OGN: variants seen among roughly 807,000 people sequenced by gnomAD.
OGN encodes osteoglycin.
OGN carries 19 observed loss-of-function variants against 30.8 expected under a neutral mutation model. The ratio of observed to expected loss-of-function variants is 0.62; its 90% confidence interval spans 0.43 to 0.90. The LOEUF (loss-of-function observed/expected upper bound fraction) is 0.90, where lower values mean the gene tolerates loss of function less well. OGN is among the 40% of genes least tolerant of loss of function. The pLI is 0.00. For missense variants in OGN, 283 were observed against 349.7 expected (o/e 0.81, Z 1.52); for synonymous variants, 126 against 128.3 (o/e 0.98, Z 0.12).
At chr9:92,400,234 T>C (rs1421062483) in intron 3 of OGN, among the ~76,000 whole-genome samples, 4 of 152,192 alleles carry the variant, frequency 2.6e-5, no homozygotes, top group Non-Finnish European at 2.9e-5. Flanking sequence ...CACCGCAACC[T>C]CCACCTCCCA....
intron 4 of OGN, among the ~76,000 whole-genome samples, chr9:92,391,850 T>G (rs2130899428): frequency 6.6e-6 from 1 of 152,290 alleles, no homozygotes; most frequent in East Asian, 1.9e-4. Flanking sequence ...GTATTAATTT[T>G]GGGGTTATAA....
At chr9:92,396,529 C>T (rs910766269) in intron 3 of OGN, among the ~76,000 whole-genome samples, 55 of 151,122 alleles carry the variant, frequency 3.6e-4, no homozygotes, top group African/African-American at 9.5e-4. Context: ...CTCTTAGCAG[C>T]GTTATTTAGA....
At chr9:92,388,166 C>T (rs1222225589) in intron 5 of OGN, among the ~76,000 whole-genome samples, 1 of 150,762 alleles carries the variant, frequency 6.6e-6, no homozygotes, top group Non-Finnish European at 1.5e-5. Context: ...TGATCAGCTC[C>T]TTTTTTTTTG....
intron 5 of OGN, among the ~76,000 whole-genome samples, chr9:92,387,823 T>G (rs113503267): frequency 0.036 from 5,408 of 151,840 alleles, 131 homozygotes; most frequent in South Asian, 0.086. Context: ...TAGTGCAGTG[T>G]CATGATCTGA....
chr9:92,386,435 T>C (rs1259644259), intron 5 of OGN, 139 bp from the exon 6 acceptor site: 3 of 594,752 alleles, frequency 5.0e-6, no homozygotes, highest in Non-Finnish European at 9.0e-6. Flanking sequence ...ATTATATCAA[T>C]TGTTCGTATG....
intron 6 of OGN, 46 bp downstream of exon 6, chr9:92,386,155 A>T (rs1588080015): frequency 1.4e-6 from 2 of 1,405,974 alleles, no homozygotes; most frequent in African/African-American, 2.8e-5. Context: ...CAAGATTTTG[A>T]CTCATAGGTA....
At position 92,384,797 on chromosome 9, in the gene OGN, T is replaced by C. The variant is rs543086251; in HGVS notation, c.*823A>G. 2.0e-5 allele frequency: 3 copies of C among 152,154 alleles called. No homozygotes were observed. Among genetic ancestry groups the C allele is most frequent in the Non-Finnish European group, 4.4e-5 (3 of 67,988 alleles). 9.4% of individuals were successfully genotyped at this position (152,154 alleles called of 1,614,324 possible). On this transcript the variant is annotated 3_prime_UTR_variant, in exon 7 of 7. Coordinates refer to ENST00000375561, the MANE Select transcript of OGN (RefSeq NM_014057.5). ...TCTGTAGTATAAAAGGAAAATATTTTGCAGTTATCTCGTATTTGAAAGACT... is the reference window on the plus strand; with the variant it reads ...TCTGTAGTATAAAAGGAAAATATTTCGCAGTTATCTCGTATTTGAAAGACT...
At chr9:92,387,832 G>C (rs12348488) in intron 5 of OGN, among the ~76,000 whole-genome samples, 72,246 of 151,616 alleles carry the variant, frequency 0.48, 20,717 homozygotes, top group African/African-American at 0.81. Flanking sequence ...GTCATGATCT[G>C]AGCTCACTGC....
Position 92,385,659 on chromosome 9 carries a change from A to G in OGN, c.858T>C (p.Phe286=), listed in dbSNP as rs1425195718. 1 of 1,614,176 alleles carries G rather than the reference A, an allele frequency of 6.2e-7. No individual in the cohort carries two copies. The highest frequency in any genetic ancestry group is 1.7e-5 in the Admixed American group (1 of 60,016). Residue 286 remains phenylalanine, a synonymous_variant, in exon 7 of 7, where the codon TTT becomes TTC. Transcript: ENST00000375561. ...PIVLGKHPNS[F]ICLKRLPIGS... is the part of the protein sequence containing the mutation. ...CTATCGGTAATCTTTTTAAGCAAAT[A>G]AAACTGTTTGGATGCTTTCCCAGGA... is the stretch of plus-strand genomic sequence containing the variant.
chr9:92,391,356 G>A (rs1842676387), intron 4 of OGN, among the ~76,000 whole-genome samples: 1 of 152,100 alleles, frequency 6.6e-6, no homozygotes, highest in African/African-American at 2.4e-5. Context: ...GCAGTGAGCC[G>A]AGATGGTGCC....
intron 3 of OGN, among the ~76,000 whole-genome samples, chr9:92,400,822 G>T (rs1019857230): frequency 6.6e-6 from 1 of 152,156 alleles, no homozygotes; most frequent in Non-Finnish European, 1.5e-5. Flanking sequence ...AGTATTTCTC[G>T]AATAGATTTT....
At chr9:92,404,468 TA>T in intron 1 of OGN, 27 bp downstream of exon 1, 1 of 1,243,170 alleles carries the variant, frequency 8.0e-7, no homozygotes, top group Non-Finnish European at 1.0e-6. Context: ...AAACAATATT[TA>T]AAATAATATA....
At chr9:92,402,028 TA>T (rs1174530924) in intron 2 of OGN, among the ~76,000 whole-genome samples, 1 of 152,180 alleles carries the variant, frequency 6.6e-6, no homozygotes, top group Admixed American at 6.5e-5. Context: ...ACTCCACAAA[TA>T]TCTTAGACCC....
At position 92,385,521 on chromosome 9, in the gene OGN, C is replaced by T; in HGVS notation, c.*99G>A. 1.0e-6 allele frequency: 1 copy of T among 989,726 alleles called. No homozygotes were observed. The highest frequency in any genetic ancestry group is 1.5e-6 in the Non-Finnish European group (1 of 667,722). The allele number at this position is 989,726 out of a possible 1,614,324, so 61.3% of individuals were successfully genotyped here. A position where few individuals can be genotyped will look rare whatever the true frequency, so the allele number is the denominator to read the frequency against. ...TATTAAATTCCTTCAAAATGAGATA[C>T]AAGGTTAATATTAAACCAATACTTA... On this transcript the variant is annotated 3_prime_UTR_variant, in exon 7 of 7. Coordinates refer to ENST00000375561, the MANE Select transcript of OGN (RefSeq NM_014057.5).
intron 6 of OGN, 136 bp from the exon 7 acceptor site, chr9:92,385,926 A>G: frequency 2.6e-6 from 2 of 775,012 alleles, no homozygotes; most frequent in Non-Finnish European, 2.1e-6. Flanking sequence ...TTAATTAGGA[A>G]ATACTCAAAT....
chr9:92,390,880 T>G (rs1194491833), intron 4 of OGN, among the ~76,000 whole-genome samples: 1 of 152,192 alleles, frequency 6.6e-6, no homozygotes, highest in Non-Finnish European at 1.5e-5. Context: ...ACAAACCTTA[T>G]CTAACATATT....
At chr9:92,391,651 C>T (rs1842692421) in intron 4 of OGN, among the ~76,000 whole-genome samples, 1 of 152,016 alleles carries the variant, frequency 6.6e-6, no homozygotes, top group African/African-American at 2.4e-5. Flanking sequence ...AAATCATAAA[C>T]ACAAAGCACA....
Position 92,383,294 on chromosome 9 carries a change from A to G in OGN, c.*2326T>C, listed in dbSNP as rs1842307629. ...TCTTATTTTCAAGATTCTTCTCTTT[A>G]TTTGGGGGTCTCTTGAAGTTCCATT... is the stretch of plus-strand genomic sequence containing the variant. On this transcript the variant is annotated 3_prime_UTR_variant, in exon 7 of 7. Coordinates refer to ENST00000375561, the MANE Select transcript of OGN (RefSeq NM_014057.5). Among the ~76,000 whole-genome samples the G allele has an allele frequency of 6.6e-6, 1 of 152,040 alleles. No individual in the cohort carries two copies. Among genetic ancestry groups the G allele is most frequent in the Admixed American group, 6.5e-5 (1 of 15,270 alleles).
At chr9:92,400,202 G>A (rs1013288509) in intron 3 of OGN, among the ~76,000 whole-genome samples, 1 of 152,138 alleles carries the variant, frequency 6.6e-6, no homozygotes, top group African/African-American at 2.4e-5. Context: ...CTAGGCTGGA[G>A]TACAATGGCA....
Sources: allele counts gnomAD v4.1 joint callset (sites outside exome capture counted in the v4.1 genomes callset), GRCh38; gene constraint gnomAD v4.1.1; transcripts MANE v1.5; gene names NCBI Gene and HGNC (gene_info 2026-07-23, HGNC 2026-07-21).